RAD54L2: variants seen among roughly 807,000 people sequenced by gnomAD.
RAD54L2 encodes the protein RAD54 like 2.
RAD54L2 carries 27 observed loss-of-function variants against 138.4 expected under a neutral mutation model. That is an observed-to-expected ratio of 0.20 (90% CI 0.14 to 0.27). The LOEUF is 0.27. Ranked by LOEUF, RAD54L2 falls within the 10% of genes least tolerant of loss-of-function variation. RAD54L2 has a pLI of 1.00. For synonymous variants in RAD54L2, 644 were observed against 723.2 expected (o/e 0.89, Z 1.76); for missense variants, 1,396 against 1,890.2 (o/e 0.74, Z 4.85).
intron 3 of RAD54L2, among the ~76,000 whole-genome samples, chr3:51,624,298 G>A (rs1274804923): frequency 1.3e-5 from 2 of 150,152 alleles, no homozygotes; most frequent in African/African-American, 2.5e-5. Context: ...AGTGAGTGGC[G>A]TGGTCATGGC....
intron 14 of RAD54L2, among the ~76,000 whole-genome samples, chr3:51,640,372 C>T (rs1701100693): frequency 6.6e-6 from 1 of 152,212 alleles, no homozygotes; most frequent in Non-Finnish European, 1.5e-5. Flanking sequence ...AAAATGTTTG[C>T]TGACCCTTGG....
In RAD54L2 at chr3:51,630,741, T is replaced by A; in HGVS notation, c.635T>A (p.Leu212Gln). ...IELSSGEEDT[L>Q]HIVDSSESVS... ...CTGAGCTCTGGAGAGGAGGACACTC[T>A]GCACATTGTGGACAGCAGTGAATCT... Residue 212 changes from leucine (L) to glutamine (Q), a missense_variant, in exon 7 of 23, where the codon CTG becomes CAG. Transcript: ENST00000684192. 2 of 1,614,008 alleles carry A rather than the reference T, an allele frequency of 1.2e-6. No individual in the cohort carries two copies. Among genetic ancestry groups the A allele is most frequent in the Non-Finnish European group, 1.7e-6 (2 of 1,179,882 alleles).
At chr3:51,593,827 G>T (rs1426048694) in intron 3 of RAD54L2, among the ~76,000 whole-genome samples, 1 of 151,878 alleles carries the variant, frequency 6.6e-6, no homozygotes, top group African/African-American at 2.4e-5. Flanking sequence ...GGTTTATTTT[G>T]CCTTTCTTTT....
At chr3:51,618,981 CT>C (rs952128281) in intron 3 of RAD54L2, among the ~76,000 whole-genome samples, 22 of 152,160 alleles carry the variant, frequency 1.4e-4, no homozygotes, top group Admixed American at 6.5e-4. Context: ...TGGAGAAGGT[CT>C]GCTAGGTATG....
At chr3:51,636,155 GAC>G (rs1454343737) in intron 10 of RAD54L2, among the ~76,000 whole-genome samples, 17 of 152,186 alleles carry the variant, frequency 1.1e-4, no homozygotes, top group Non-Finnish European at 2.2e-4. Context: ...CTAATATAAA[GAC>G]AAAGTAGTAA....
At chr3:51,654,876 ACTT>A (rs1264622304) in intron 19 of RAD54L2, among the ~76,000 whole-genome samples, 1 of 152,152 alleles carries the variant, frequency 6.6e-6, no homozygotes, top group African/African-American at 2.4e-5. Context: ...TGTGAGGAAT[ACTT>A]CTTACCCAAA....
chr3:51,565,723 T>C (rs898132621), intron 2 of RAD54L2, among the ~76,000 whole-genome samples: 12 of 152,106 alleles, frequency 7.9e-5, no homozygotes, highest in Admixed American at 7.9e-4. Flanking sequence ...TCCGCCCGTC[T>C]CGGCCTGCCA....
chr3:51,545,418 G>A (rs973892205), intron 2 of RAD54L2, among the ~76,000 whole-genome samples: 2 of 151,656 alleles, frequency 1.3e-5, no homozygotes, highest in Non-Finnish European at 2.9e-5. Flanking sequence ...TCTTGAACTC[G>A]TGACCTTGTG....
chr3:51,656,061 A>G lies in RAD54L2; in HGVS notation c.3117A>G (p.Pro1039=). Residue 1039 remains proline (P), a synonymous_variant, in exon 20 of 23, where the codon CCA becomes CCG. Transcript: ENST00000684192. ...TCCCCATGATGCCCCGGCATGTCCC[A>G]TTGGGAGGAAGTGTAAGCTCTGCCT... is the stretch of plus-strand genomic sequence containing the variant. ...TPIPMMPRHV[P]LGGSVSSASS... The G allele has an allele frequency of 6.2e-7, 1 of 1,613,992 alleles. No individual in the cohort carries two copies. Among genetic ancestry groups the G allele is most frequent in the East Asian group, 2.2e-5 (1 of 44,878 alleles).
chr3:51,593,084 C>G (rs1424443435), intron 3 of RAD54L2, among the ~76,000 whole-genome samples: 1 of 151,996 alleles, frequency 6.6e-6, no homozygotes. Context: ...CAGTGGTTCT[C>G]AACCTGGTAT....
At position 51,639,450 on chromosome 3, in the gene RAD54L2, C is replaced by T; in HGVS notation, c.1892C>T (p.Ala631Val). 7 of 1,613,962 alleles carry T rather than the reference C, an allele frequency of 4.3e-6. No individual in the cohort carries two copies. Among genetic ancestry groups the T allele is most frequent in the Non-Finnish European group, 5.9e-6 (7 of 1,179,882 alleles). The change falls in exon 13 of 23, where the codon GCC (alanine) becomes GTC (valine). Residue 631 changes from alanine (A) to valine (V), a missense_variant. Ala to Val is a moderately conservative substitution (Grantham distance 64). This residue lies in a region of RAD54L2 where 211 missense variants were observed against 273.8 expected (regional missense o/e 0.77). Transcript: ENST00000684192. ...AATCACCCTGATGTGCTGTATGAAGCCCTTCAGAAGGAGAGCTTGGCCAAT... is the reference window on the plus strand; with the variant it reads ...AATCACCCTGATGTGCTGTATGAAGTCCTTCAGAAGGAGAGCTTGGCCAAT... ...IWNHPDVLYE[A>V]LQKESLANEQ...
At chr3:51,647,329 A>C (rs1208172206) in intron 19 of RAD54L2, among the ~76,000 whole-genome samples, 1 of 152,162 alleles carries the variant, frequency 6.6e-6, no homozygotes, top group Non-Finnish European at 1.5e-5. Context: ...CAGCCTCCCA[A>C]GTAGCTGGGA....
chr3:51,645,633 G>A lies in RAD54L2; in HGVS notation c.2699G>A (p.Arg900Gln), dbSNP rs750959724. The A allele has an allele frequency of 3.7e-6, 6 of 1,612,256 alleles. No homozygotes were observed. The highest frequency in any genetic ancestry group is 1.1e-5 in the South Asian group (1 of 90,516). Residue 900 changes from arginine to glutamine, a missense_variant, in exon 18 of 23, where the codon CGG becomes CAG. By Grantham distance (43) the Arg-to-Gln change is conservative. Around this residue, in one of 7 missense-constraint regions of RAD54L2, gnomAD observed 78 missense variants for 171.6 expected, o/e 0.45. Coordinates refer to ENST00000684192, the MANE Select transcript of RAD54L2 (RefSeq NM_015106.4). The surrounding 1 kb of genome is among the most constrained non-coding windows in gnomAD (Gnocchi z 6.1). Reference protein sequence around the residue: ...DDLNPMLNFTRKEVENLLHFV... With the variant: ...DDLNPMLNFTQKEVENLLHFV... ...CTAAATCCAATGCTGAACTTCACAC[G>A]GAAAGAGGTGGAAAACCTACTGCAC... is the stretch of plus-strand genomic sequence containing the variant.
chr3:51,630,200 G>A, intron 5 of RAD54L2, 72 bp from the exon 6 acceptor site: 1 of 1,184,834 alleles, frequency 8.4e-7, no homozygotes, highest in South Asian at 1.2e-5. Context: ...AAGGGGTGGT[G>A]AATTGTTTTG....
intron 2 of RAD54L2, among the ~76,000 whole-genome samples, chr3:51,551,497 G>A (rs902924809): frequency 1.3e-5 from 2 of 151,160 alleles, no homozygotes; most frequent in East Asian, 1.9e-4. Context: ...GTGCAGTGGC[G>A]CGATCTCGGC....
intron 2 of RAD54L2, among the ~76,000 whole-genome samples, chr3:51,577,597 T>C (rs931730536): frequency 6.6e-6 from 1 of 152,258 alleles, no homozygotes; most frequent in Admixed American, 6.5e-5. Flanking sequence ...TACCATTATG[T>C]AATGGCCTTC....
chr3:51,621,591 T>G (rs568105786), intron 3 of RAD54L2, among the ~76,000 whole-genome samples: 1 of 152,158 alleles, frequency 6.6e-6, no homozygotes, highest in Non-Finnish European at 1.5e-5. Context: ...TGGCAAAAAG[T>G]TCCCCCCTGC....
chr3:51,554,628 T>C (rs1175022150), intron 2 of RAD54L2, among the ~76,000 whole-genome samples: 3 of 152,218 alleles, frequency 2.0e-5, no homozygotes, highest in African/African-American at 7.2e-5. Context: ...AGCCATCGTT[T>C]GTGGTGGAAA....
At chr3:51,559,075 A>G (rs1238698763) in intron 2 of RAD54L2, among the ~76,000 whole-genome samples, 1 of 151,628 alleles carries the variant, frequency 6.6e-6, no homozygotes, top group Non-Finnish European at 1.5e-5. Flanking sequence ...GGGTTTCACC[A>G]TGTTGCCCAG....
Sources: gnomAD v4.1 joint callset for allele counts (sites outside exome capture counted in the v4.1 genomes callset) on GRCh38, gnomAD v4.1.1 for gene constraint, gnomAD v4.1.1 regional missense constraint, Gnocchi (gnomAD v3.1) non-coding constraint, MANE v1.5 for transcripts, NCBI Gene and HGNC (gene_info 2026-07-23, HGNC 2026-07-21) for gene names.